The following SHISA6 variants were observed in gnomAD, a reference collection of about 807,000 sequenced individuals.
The protein encoded by SHISA6 is protein shisa-6.
A neutral mutation model predicts 47.9 loss-of-function variants in SHISA6; 22 were observed. The ratio of observed to expected loss-of-function variants is 0.46; its 90% CI spans 0.33 to 0.66. The LOEUF (loss-of-function observed/expected upper bound fraction) is 0.66, where lower values mean the gene tolerates loss of function less well. Ranked by LOEUF, SHISA6 falls within the 30% of genes least tolerant of loss-of-function variation. SHISA6 has a pLI of 0.02. For missense variants in SHISA6, 680 were observed against 764.6 expected, an observed-to-expected ratio of 0.89 and a Z score of 1.30; for synonymous variants, 388 against 337.8, an observed-to-expected ratio of 1.15 and a Z score of -1.63.
intron 3 of SHISA6, 75 bp from the exon 4 acceptor site, chr17:11,551,821 A>C: frequency 1.6e-6 from 2 of 1,272,212 alleles, no homozygotes; most frequent in Non-Finnish European, 2.2e-6. Context: ...AGAGGTAAAG[A>C]GAGATGCTGT....
chr17:11,552,516 G>A (rs1462080045), intron 4 of SHISA6, among the ~76,000 whole-genome samples: 1 of 152,256 alleles, frequency 6.6e-6, no homozygotes, highest in African/African-American at 2.4e-5. Context: ...GATCACAGCT[G>A]AACAGAGAAA....
rs2071520241 is a variant in SHISA6, at chr17:11,508,693, C to T, written c.896-43203C>T. Among the ~76,000 whole-genome samples the T allele has an allele frequency of 1.4e-5, 2 of 138,110 alleles. 1 individual carries two copies. Among genetic ancestry groups the T allele is most frequent in the Admixed American group, 1.4e-4 (2 of 13,884 alleles). 90.6% of individuals were successfully genotyped at this position (138,110 alleles called of 152,430 possible). On this transcript the variant is annotated intron_variant, in intron 3 of 5. Coordinates refer to ENST00000441885, the MANE Select transcript of SHISA6 (RefSeq NM_207386.4). ...AGAAGGCTTTCTCCTTCTCTGCCTTCTTCCTTGGCTATACAATTTTGTGGC... is the reference window on the plus strand; with the variant it reads ...AGAAGGCTTTCTCCTTCTCTGCCTTTTTCCTTGGCTATACAATTTTGTGGC...
chr17:11,376,349 G>A (rs566200070), intron 2 of SHISA6, among the ~76,000 whole-genome samples: 20 of 145,066 alleles, frequency 1.4e-4, no homozygotes, highest in Non-Finnish European at 2.2e-4. Context: ...GAGACGTCTC[G>A]CTCTGTTGCC....
intron 2 of SHISA6, among the ~76,000 whole-genome samples, chr17:11,375,370 T>G (rs1395170194): frequency 1.3e-5 from 2 of 152,134 alleles, no homozygotes; most frequent in Non-Finnish European, 2.9e-5. Flanking sequence ...CCCAGTGCCT[T>G]TCTCTCATTG....
At chr17:11,377,389 G>C (rs999904917) in intron 2 of SHISA6, among the ~76,000 whole-genome samples, 1 of 152,172 alleles carries the variant, frequency 6.6e-6, no homozygotes, top group African/African-American at 2.4e-5. Context: ...GAGGGTGTGA[G>C]GGAAACAGTG....
intron 2 of SHISA6, among the ~76,000 whole-genome samples, chr17:11,364,332 C>T (rs1165168117): frequency 6.6e-6 from 1 of 152,174 alleles, no homozygotes; most frequent in East Asian, 1.9e-4. Flanking sequence ...TATCAAATAG[C>T]TTGGCCTAAT....
intron 3 of SHISA6, among the ~76,000 whole-genome samples, chr17:11,399,938 C>T (rs1913707118): frequency 6.6e-6 from 1 of 152,148 alleles, no homozygotes; most frequent in Admixed American, 6.5e-5. Flanking sequence ...ATTCTCCTTG[C>T]TATTTTTTCT....
At chr17:11,271,856 C>T (rs1908680565) in intron 2 of SHISA6, among the ~76,000 whole-genome samples, 1 of 152,084 alleles carries the variant, frequency 6.6e-6, no homozygotes, top group African/African-American at 2.4e-5. Flanking sequence ...GAATCTTGCT[C>T]TCTGGACTTC....
At position 11,558,973 on chromosome 17, in the gene SHISA6, A is replaced by AG. The variant is rs1055807515; in HGVS notation, c.*673dup. The AG allele has an allele frequency of 6.5e-6, 1 of 153,006 alleles. No homozygotes were observed. The highest frequency in any genetic ancestry group is 1.5e-5 in the Non-Finnish European group (1 of 68,486). 9.5% of individuals were successfully genotyped at this position (153,006 alleles called of 1,614,324 possible). A position where few individuals can be genotyped will look rare whatever the true frequency, so the allele number is the denominator to read the frequency against. On this transcript the variant is annotated 3_prime_UTR_variant, in exon 6 of 6. Coordinates refer to ENST00000441885, the MANE Select transcript of SHISA6 (RefSeq NM_207386.4). ...CCCTCCCCTCAACTCCAGGACCAGG[A>AG]GGGGTTCCCTTCCTTCAGCTGCCTC... is the stretch of plus-strand genomic sequence containing the variant.
intron 2 of SHISA6, chr17:11,290,093 G>C (rs1909467541): frequency 6.6e-6 from 1 of 152,052 alleles, no homozygotes; most frequent in African/African-American, 2.4e-5. Context: ...GGTGAAGACT[G>C]TTTCTTAAAT....
At chr17:11,278,216 A>G (rs1316161266) in intron 2 of SHISA6, among the ~76,000 whole-genome samples, 1 of 152,140 alleles carries the variant, frequency 6.6e-6, no homozygotes, top group East Asian at 1.9e-4. Flanking sequence ...TCCTGGAGAG[A>G]TTAGTGAAAG....
At chr17:11,380,653 C>G (rs953705000) in intron 3 of SHISA6, among the ~76,000 whole-genome samples, 2 of 152,214 alleles carry the variant, frequency 1.3e-5, no homozygotes, top group Non-Finnish European at 2.9e-5. Context: ...AGACAATTTA[C>G]TCTCAAACTT....
intron 3 of SHISA6, among the ~76,000 whole-genome samples, chr17:11,485,058 C>T (rs889504638): frequency 7.2e-5 from 11 of 152,140 alleles, no homozygotes; most frequent in African/African-American, 1.7e-4. Flanking sequence ...TCAAATATCC[C>T]CCTAATTTTT....
At chr17:11,481,362 GTGTGTATA>G (rs1031963860) in intron 3 of SHISA6, among the ~76,000 whole-genome samples, 21 of 114,582 alleles carry the variant, frequency 1.8e-4, no homozygotes, top group South Asian at 1.1e-3. Flanking sequence ...GTGTGTGTGT[GTGTGTATA>G]TATATATATA....
chr17:11,458,186 A>C (rs1567611203), intron 3 of SHISA6, among the ~76,000 whole-genome samples: 1 of 152,154 alleles, frequency 6.6e-6, no homozygotes, highest in African/African-American at 2.4e-5. Context: ...TCTTAAGTCC[A>C]ACCAGTGAGT....
At chr17:11,530,610 G>T (rs963487879) in intron 3 of SHISA6, among the ~76,000 whole-genome samples, 6 of 152,156 alleles carry the variant, frequency 3.9e-5, no homozygotes, top group Non-Finnish European at 8.8e-5. Context: ...CAGAGAAATG[G>T]CATGCTTCCT....
intron 3 of SHISA6, among the ~76,000 whole-genome samples, chr17:11,446,057 A>T (rs996676063): frequency 1.3e-5 from 2 of 151,966 alleles, no homozygotes; most frequent in Non-Finnish European, 2.9e-5. Context: ...TGAACTCCTG[A>T]CCTCGTGATC....
intron 3 of SHISA6, among the ~76,000 whole-genome samples, chr17:11,465,431 GTGTCTGGCTCTGC>G (rs1157734253): frequency 1.3e-5 from 2 of 152,092 alleles, no homozygotes; most frequent in African/African-American, 4.8e-5. Context: ...GTTTGAAATA[GTGTCTGGCTCTGC>G]TGGTCTGGAG....
chr17:11,439,870 C>T lies in SHISA6; in HGVS notation c.895+60361C>T, dbSNP rs568881019. On this transcript the variant is annotated intron_variant, in intron 3 of 5. Coordinates refer to ENST00000441885, the MANE Select transcript of SHISA6 (RefSeq NM_207386.4). ...ACGGTCTTGATGACAGCTTTCTTTT[C>T]GTGTTTTTTGTCCCTTTATTAAGAA... Among the ~76,000 whole-genome samples the T allele has an allele frequency of 3.2e-3, 487 of 152,198 alleles. 5 individuals carry two copies. The highest frequency in any genetic ancestry group is 0.011 in the African/African-American group (458 of 41,528).
Sources: allele counts gnomAD v4.1 joint callset (sites outside exome capture counted in the v4.1 genomes callset), GRCh38; gene constraint gnomAD v4.1.1; transcripts MANE v1.5; gene names NCBI Gene and HGNC (gene_info 2026-07-23, HGNC 2026-07-21).